Variants in ARMC9 observed in about 807,000 individuals in gnomAD.
The protein encoded by ARMC9 is lisH domain-containing protein ARMC9.
In ARMC9, 94 loss-of-function variants were observed where a neutral mutation model predicts 107.0. The observed-to-expected ratio is 0.88, with a 90% confidence interval of 0.74 to 1.04. ARMC9 has a LOEUF of 1.04. ARMC9 is among the 50% of genes least tolerant of loss of function. The pLI is 0.00. For synonymous variants in ARMC9, 380 were observed against 396.9 expected (o/e 0.96, Z 0.51); for missense variants, 942 against 1,030.1 (o/e 0.91, Z 1.17).
chr2:231,269,696 C>T (rs1157929626), intron 12 of ARMC9, among the ~76,000 whole-genome samples: 1 of 152,076 alleles, frequency 6.6e-6, no homozygotes, highest in Non-Finnish European at 1.5e-5. Context: ...CAGATGTCTT[C>T]ATCTTTATTT....
chr2:231,250,933 AT>A (rs1430960227), intron 9 of ARMC9, among the ~76,000 whole-genome samples: 2 of 152,132 alleles, frequency 1.3e-5, no homozygotes. Flanking sequence ...ATGAGTTAAT[AT>A]GTGTAAAGTT....
rs75228620 is a variant in ARMC9 at position 231,220,897 on chromosome 2, A to G, written c.505-1831A>G. On this transcript the variant is annotated intron_variant, in intron 5 of 24. Coordinates refer to ENST00000611582, the MANE Select transcript of ARMC9 (RefSeq NM_001352754.2). ...ATAGTAATCAACAACAGAGCAATCT[A>G]ACTGGAAGTCTGTATGTCCCAAGCA... 3.6e-3 allele frequency among the ~76,000 whole-genome samples: 549 copies of G among 152,364 alleles called. 2 individuals are homozygous for G. Among genetic ancestry groups the G allele is most frequent in the African/African-American group, 0.013 (525 of 41,594 alleles).
At chr2:231,209,731 T>G (rs1182929050) in intron 3 of ARMC9, among the ~76,000 whole-genome samples, 1 of 152,166 alleles carries the variant, frequency 6.6e-6, no homozygotes, top group Non-Finnish European at 1.5e-5. Context: ...AGATAGGGTT[T>G]CACCAGGTTG....
chr2:231,276,867 T>G, intron 15 of ARMC9, 92 bp downstream of exon 15: 1 of 1,502,644 alleles, frequency 6.7e-7, no homozygotes, highest in African/African-American at 1.4e-5. Flanking sequence ...TGGTTTGCTT[T>G]TAGTCTCATA....
Position 231,271,011 on chromosome 2 carries a change from G to T in ARMC9, c.1149G>T (p.Thr383=), listed in dbSNP as rs751736472. 1 of 1,614,124 alleles carries T rather than the reference G, an allele frequency of 6.2e-7. No individual in the cohort carries two copies. The highest frequency in any genetic ancestry group is 8.5e-7 in the Non-Finnish European group (1 of 1,180,016). Residue 383 remains threonine (T), a synonymous_variant, in exon 13 of 25, where the codon ACG becomes ACT. Transcript: ENST00000611582. The part of the protein sequence containing the change: ...QRSVLQLLHS[T]SDVVRQYMAR... ...GTGTGCTTCAGTTGCTGCACTCCAC[G>T]AGCGACGTGGTGCGGCAGTACATGG...
At chr2:231,354,263 T>TAAAA (rs759691541) in intron 21 of ARMC9, among the ~76,000 whole-genome samples, 8 of 100,444 alleles carry the variant, frequency 8.0e-5, no homozygotes, top group African/African-American at 3.3e-4. Context: ...CATCTCCATT[T>TAAAA]AAAAAAAAAA....
chr2:231,207,185 T>A (rs1055775825), intron 2 of ARMC9, among the ~76,000 whole-genome samples: 11 of 152,044 alleles, frequency 7.2e-5, no homozygotes, highest in African/African-American at 2.7e-4. Flanking sequence ...TTATTCTAAT[T>A]TTTGTAGAGA....
chr2:231,327,350 C>T (rs1354153764), intron 19 of ARMC9, among the ~76,000 whole-genome samples: 2 of 152,208 alleles, frequency 1.3e-5, no homozygotes, highest in Non-Finnish European at 2.9e-5. Context: ...ACCGCCATTT[C>T]CTCCTTAACA....
intron 7 of ARMC9, among the ~76,000 whole-genome samples, chr2:231,228,682 A>G (rs1227872858): frequency 6.6e-6 from 1 of 152,174 alleles, no homozygotes; most frequent in Non-Finnish European, 1.5e-5. Context: ...CTTGATGGGA[A>G]GGAGGGTGTG....
At chr2:231,239,285 C>G (rs944068988) in intron 8 of ARMC9, among the ~76,000 whole-genome samples, 1 of 152,108 alleles carries the variant, frequency 6.6e-6, no homozygotes, top group Non-Finnish European at 1.5e-5. Context: ...ATCCTGAATT[C>G]TCGTAGCTGG....
intron 7 of ARMC9, among the ~76,000 whole-genome samples, chr2:231,227,627 A>G (rs2034772796): frequency 6.6e-6 from 1 of 152,206 alleles, no homozygotes; most frequent in African/African-American, 2.4e-5. Context: ...TAGGGAGTGA[A>G]ACTCTTTTAA....
In ARMC9 at chr2:231,208,326, G is replaced by C. The variant is rs778012754; in HGVS notation, c.177+74G>C. On this transcript the variant is annotated intron_variant, in intron 3 of 24. Transcript: ENST00000611582. ...CAACTTGTGGAAAATGCTGCTGTTG[G>C]ATAGTGCTAGAATAGTTTTTGAGCA... 17 of 1,200,952 alleles carry C rather than the reference G, an allele frequency of 1.4e-5. No homozygotes were observed. The Admixed American group carries it at 2.2e-4, about 15-fold the overall frequency. 74.4% of individuals were successfully genotyped at this position (1,200,952 alleles called of 1,614,324 possible).
chr2:231,278,286 G>A, intron 15 of ARMC9, 96 bp from the exon 16 acceptor site: 1 of 1,223,048 alleles, frequency 8.2e-7, no homozygotes, highest in Non-Finnish European at 1.2e-6. Context: ...CAGCTCATGA[G>A]CAGAGGAGCC....
chr2:231,350,744 G>A (rs2045030471), intron 21 of ARMC9, among the ~76,000 whole-genome samples: 1 of 152,018 alleles, frequency 6.6e-6, no homozygotes, highest in Non-Finnish European at 1.5e-5. Flanking sequence ...ATTTAGCCCA[G>A]TTTTTTAAAT....
intron 17 of ARMC9, among the ~76,000 whole-genome samples, chr2:231,285,484 A>G (rs2040521836): frequency 6.6e-6 from 1 of 151,908 alleles, no homozygotes; most frequent in Non-Finnish European, 1.5e-5. Context: ...TGTCTCTACT[A>G]AAAATACAAT....
chr2:231,225,403 G>A (rs909878594), intron 6 of ARMC9, among the ~76,000 whole-genome samples: 6 of 152,266 alleles, frequency 3.9e-5, no homozygotes, highest in Admixed American at 2.6e-4. Flanking sequence ...AAAACAACCT[G>A]TACACAAATG....
intron 7 of ARMC9, among the ~76,000 whole-genome samples, 194 bp from the exon 8 acceptor site, chr2:231,235,030 G>A (rs1298725648): frequency 6.6e-6 from 1 of 152,266 alleles, no homozygotes; most frequent in African/African-American, 2.4e-5. Context: ...GAAATTTTAA[G>A]TCAGTGTGGT....
At chr2:231,343,371 A>G (rs1254682543) in intron 20 of ARMC9, among the ~76,000 whole-genome samples, 1 of 151,446 alleles carries the variant, frequency 6.6e-6, no homozygotes, top group East Asian at 1.9e-4. Flanking sequence ...GAAATCAAAG[A>G]TGAAATTCCA....
At chr2:231,363,181 T>G (rs1308238113) in intron 23 of ARMC9, among the ~76,000 whole-genome samples, 1 of 152,250 alleles carries the variant, frequency 6.6e-6, no homozygotes, top group Non-Finnish European at 1.5e-5. Flanking sequence ...TGTGCTGTGC[T>G]TCTGCACCTG....
Sources: gnomAD v4.1 joint callset for allele counts (sites outside exome capture counted in the v4.1 genomes callset) on GRCh38, gnomAD v4.1.1 for gene constraint, MANE v1.5 for transcripts, NCBI Gene and HGNC (gene_info 2026-07-23, HGNC 2026-07-21) for gene names.